Variants in ANKRD26 observed in about 807,000 individuals in gnomAD.
ANKRD26 encodes ankyrin repeat domain-containing protein 26.
A neutral mutation model predicts 208.7 loss-of-function variants in ANKRD26; 141 were observed. The ratio of observed to expected loss-of-function variants is 0.68; its 90% CI spans 0.59 to 0.78. The LOEUF (loss-of-function observed/expected upper bound fraction) is 0.78, where lower values mean the gene tolerates loss of function less well. Ranked by LOEUF, ANKRD26 falls within the 30% of genes least tolerant of loss-of-function variation. The pLI is 0.00. For missense variants in ANKRD26, 1,889 were observed against 1,938.7 expected (o/e 0.97, Z 0.48); for synonymous variants, 636 against 660.4 (o/e 0.96, Z 0.57).
At chr10:27,045,937 T>C (rs149195619) in intron 18 of ANKRD26, among the ~76,000 whole-genome samples, 1 of 152,302 alleles carries the variant, frequency 6.6e-6, no homozygotes, top group African/African-American at 2.4e-5. Context: ...AGATAATGGA[T>C]CAAGCTTTCT....
intron 4 of ANKRD26, among the ~76,000 whole-genome samples, chr10:26,995,803 C>T (rs953899290): frequency 6.6e-6 from 1 of 152,130 alleles, no homozygotes; most frequent in Non-Finnish European, 1.5e-5. Context: ...AAATATCTTC[C>T]TGAGGGGAAG....
rs756518797 is a variant in ANKRD26, at chr10:27,035,427, G to C, written c.3023C>G (p.Ser1008Ter). Residue 1008 changes from serine to a stop codon, truncating the protein, a stop_gained, in exon 24 of 34, where the codon TCA becomes TGA. Coordinates refer to ENST00000376087, the MANE Select transcript of ANKRD26 (RefSeq NM_014915.3). LOFTEE classifies it high-confidence loss of function. The stretch of plus-strand genomic sequence containing the variant: ...AGCAGCAGCCAATCTAGAATGGTAT[G>C]ATTCAACTTCTGCTTCCAGTCTTTC... ...SKERLEAEVE[S>*]YHSRLAAAIH... The C allele has an allele frequency of 8.1e-6, 13 of 1,613,988 alleles. No individual in the cohort carries two copies. In the South Asian group the frequency reaches 1.2e-4, roughly 15 times the overall value.
downstream of ANKRD26, among the ~76,000 whole-genome samples, chr10:27,003,132 C>T (rs540503186): frequency 7.2e-5 from 11 of 152,162 alleles, no homozygotes; most frequent in South Asian, 2.1e-4. Flanking sequence ...AGCCTATCGA[C>T]GGCATTAAAT....
At chr10:27,057,935 C>CAA (rs76921203) in intron 15 of ANKRD26, among the ~76,000 whole-genome samples, 2 of 83,838 alleles carry the variant, frequency 2.4e-5, no homozygotes, top group Non-Finnish European at 4.9e-5. Context: ...GACTCCATCT[C>CAA]AAAAAAAAAA....
Position 27,035,746 on chromosome 10 carries a change from G to T in ANKRD26, c.2704C>A (p.His902Asn). 6.2e-7 allele frequency: 1 copy of T among 1,602,462 alleles called. No homozygotes were observed. Among genetic ancestry groups the T allele is most frequent in the South Asian group, 1.1e-5 (1 of 90,090 alleles). The change falls in exon 24 of 34, where the codon CAT becomes AAT. Residue 902 changes from histidine (H) to asparagine (N), a missense_variant. His to Asn is a moderately conservative substitution (Grantham distance 68, BLOSUM62 1). Around this residue, in one of 3 missense-constraint regions of ANKRD26, gnomAD observed 1,272 missense variants for 1,273.8 expected, o/e 1.00. Coordinates refer to ENST00000376087, the MANE Select transcript of ANKRD26 (RefSeq NM_014915.3). Reference protein sequence around the residue: ...AQKKMNSENSHSHEEEKDLSH... With the variant: ...AQKKMNSENSNSHEEEKDLSH... ...AGGTCTTTTTCTTCTTCATGACTATGAGAATTCTAAGTAAAACAAAGGAAA... is the reference window on the plus strand; with the variant it reads ...AGGTCTTTTTCTTCTTCATGACTATTAGAATTCTAAGTAAAACAAAGGAAA...
At chr10:27,052,132 A>C in intron 16 of ANKRD26, 1 of 984,276 alleles carries the variant, frequency 1.0e-6, no homozygotes, top group Non-Finnish European at 1.2e-6. Context: ...CATGTTTTTA[A>C]AATAACTTTA....
chr10:27,030,561 G>A, intron 25 of ANKRD26: 3 of 985,392 alleles, frequency 3.0e-6, no homozygotes, highest in Non-Finnish European at 3.6e-6. Context: ...GGAGCTCTTT[G>A]GGTGGGAAAG....
At chr10:27,084,375 G>C (rs1231661507) in intron 5 of ANKRD26, among the ~76,000 whole-genome samples, 3 of 151,980 alleles carry the variant, frequency 2.0e-5, no homozygotes, top group African/African-American at 7.3e-5. Context: ...AAATGAAATA[G>C]AACAGCTCTA....
At chr10:27,044,890 G>A (rs909318198) in intron 18 of ANKRD26, among the ~76,000 whole-genome samples, 2 of 152,114 alleles carry the variant, frequency 1.3e-5, no homozygotes, top group Admixed American at 1.3e-4. Context: ...TGCTGTGAAA[G>A]TAATATTTAT....
chr10:27,044,203 A>AT lies in ANKRD26; in HGVS notation c.1986-14_1986-13insA. ...TTTCTTAGTAGGCCTAAAAAAAAAA[A>AT]ATACCTTTCAGGCAAATAGTAAACA... On this transcript the variant is annotated splice_polypyrimidine_tract_variant and intron_variant, in intron 18 of 33. Transcript: ENST00000376087. 1 of 1,436,260 alleles carries AT rather than the reference A, an allele frequency of 7.0e-7. No individual in the cohort carries two copies. Among genetic ancestry groups the AT allele is most frequent in the East Asian group, 2.5e-5 (1 of 39,656 alleles). 89.0% of individuals were successfully genotyped at this position (1,436,260 alleles called of 1,614,324 possible).
chr10:26,989,772 G>A (rs1425501453), downstream of ANKRD26, among the ~76,000 whole-genome samples: 1 of 152,162 alleles, frequency 6.6e-6, no homozygotes, highest in African/African-American at 2.4e-5. Flanking sequence ...TAGACCTCCT[G>A]CTGCCTTCTG....
At position 27,081,003 on chromosome 10, in the gene ANKRD26, A is replaced by G. The variant is rs74873958; in HGVS notation, c.740+1800T>C. 2,929 of 974,538 alleles carry G rather than the reference A, an allele frequency of 3.0e-3. 71 individuals carry two copies. The East Asian group carries it at 0.11, about 37-fold the overall frequency. The allele number at this position is 974,538 out of a possible 1,614,324, so 60.4% of individuals were successfully genotyped here. ...ATGTAGTTCAGCAGCCTCCAGCTCCAAAGTACTTGAGGGGCTCAAAGCCAC... is the reference window on the plus strand; with the variant it reads ...ATGTAGTTCAGCAGCCTCCAGCTCCGAAGTACTTGAGGGGCTCAAAGCCAC... On this transcript the variant is annotated intron_variant, in intron 6 of 33. Transcript: ENST00000376087.
intron 5 of ANKRD26, among the ~76,000 whole-genome samples, chr10:27,084,782 T>C (rs1461378363): frequency 6.6e-6 from 1 of 151,710 alleles, no homozygotes; most frequent in Admixed American, 6.6e-5. Context: ...GGCAAAAGAA[T>C]TGCTTGAACC....
intron 11 of ANKRD26, among the ~76,000 whole-genome samples, chr10:27,066,078 G>A (rs930937448): frequency 6.6e-6 from 1 of 151,668 alleles, no homozygotes; most frequent in South Asian, 2.1e-4. Context: ...GGCCAGGATG[G>A]TCTCCATATC....
chr10:27,040,005 G>C lies in ANKRD26; in HGVS notation c.2335C>G (p.His779Asp), dbSNP rs200286674. 36 of 1,613,578 alleles carry C rather than the reference G, an allele frequency of 2.2e-5. No homozygotes were observed. Among genetic ancestry groups the C allele is most frequent in the Non-Finnish European group, 5.9e-6 (7 of 1,179,878 alleles). ...ETKEIKSQLEHQKVEWERELC... is the reference protein window; with the variant it reads ...ETKEIKSQLEDQKVEWERELC... ...TCTCGTTCCCATTCAACTTTTTGAT[G>C]CTCTAACTGTGATTTTATTTCTTTT... Residue 779 changes from histidine to aspartate, a missense_variant, in exon 21 of 34, where the codon CAT (histidine) becomes GAT (aspartate). His to Asp is a moderately conservative substitution (Grantham distance 81). Around this residue, in one of 3 missense-constraint regions of ANKRD26, gnomAD observed 1,272 missense variants for 1,273.8 expected, o/e 1.00. Transcript: ENST00000376087.
At chr10:27,072,646 C>T (rs972404007) in intron 9 of ANKRD26, among the ~76,000 whole-genome samples, 1 of 152,198 alleles carries the variant, frequency 6.6e-6, no homozygotes, top group South Asian at 2.1e-4. Flanking sequence ...GCAAGCGCCA[C>T]CTCCTGGCTA....
intron 1 of ANKRD26, among the ~76,000 whole-genome samples, chr10:27,094,271 T>C (rs554075791): frequency 2.0e-5 from 3 of 152,202 alleles, no homozygotes; most frequent in Non-Finnish European, 2.9e-5. Flanking sequence ...ATTAGCAGCA[T>C]GAGAACAGAC....
chr10:26,955,358 G>A, the ANKRD26 span, among the ~76,000 whole-genome samples: 1 of 151,836 alleles, frequency 6.6e-6, no homozygotes, highest in Non-Finnish European at 1.5e-5. Flanking sequence ...AACCTAGGAG[G>A]CGGAGGTTGC....
chr10:27,057,115 A>G (rs2054865696), intron 15 of ANKRD26, among the ~76,000 whole-genome samples: 2 of 152,028 alleles, frequency 1.3e-5, no homozygotes, highest in Admixed American at 1.3e-4. Context: ...CAATCTGAAA[A>G]CTCTGAAAAT....
Sources: gnomAD v4.1 joint callset for allele counts (sites outside exome capture counted in the v4.1 genomes callset) on GRCh38, gnomAD v4.1.1 for gene constraint, gnomAD v4.1.1 regional missense constraint, MANE v1.5 for transcripts, NCBI Gene and HGNC (gene_info 2026-07-23, HGNC 2026-07-21) for gene names.